The following ADGRF3 variants were observed in gnomAD, a reference collection of about 807,000 sequenced individuals.
ADGRF3 encodes G protein-coupled receptor 113.
In ADGRF3, 85 loss-of-function variants were observed where a neutral mutation model predicts 93.2. That is an observed-to-expected ratio of 0.91 (90% CI 0.77 to 1.09). The LOEUF (loss-of-function observed/expected upper bound fraction) is 1.09. Among genes scored for constraint, ADGRF3 ranks in the 50% least tolerant of loss-of-function variants. The probability of loss-of-function intolerance (pLI) is 0.00; values close to 1 mark genes in which losing one functional copy is unlikely to be tolerated. For synonymous variants in ADGRF3, 534 were observed against 532.5 expected, an observed-to-expected ratio of 1.00 and a Z score of -0.04; for missense variants, 1,125 against 1,246.2, an observed-to-expected ratio of 0.90 and a Z score of 1.46.
chr2:26,322,774 A>G (rs776674093), intron 1 of ADGRF3, among the ~76,000 whole-genome samples: 1 of 152,212 alleles, frequency 6.6e-6, no homozygotes, highest in Non-Finnish European at 1.5e-5. Context: ...TAGATTTGGT[A>G]TATTTTTCTA....
At position 26,310,109 on chromosome 2, in the gene ADGRF3, C is replaced by T. The variant is rs200784902; in HGVS notation, c.2875-4G>A. The T allele has an allele frequency of 5.3e-5, 85 of 1,613,892 alleles. 1 individual carries two copies. The highest frequency in any genetic ancestry group is 3.3e-4 in the South Asian group (30 of 91,082). ...GTTTGCGCAAAGCTTCTTGTATCTG[C>T]GGGAGAGGTAAATGCTCTGCTTATG... is the stretch of plus-strand genomic sequence containing the variant. On this transcript the variant is annotated splice_region_variant and splice_polypyrimidine_tract_variant and intron_variant, in intron 11 of 13. Coordinates refer to ENST00000651242, the MANE Select transcript of ADGRF3 (RefSeq NM_001321971.2).
chr2:26,323,500 T>G (rs1162199554), intron 1 of ADGRF3, among the ~76,000 whole-genome samples: 1 of 152,118 alleles, frequency 6.6e-6, no homozygotes, highest in East Asian at 1.9e-4. Context: ...CAGGATCCTG[T>G]TATGTTGTTC....
chr2:26,329,891 C>T (rs938926618), intron 1 of ADGRF3, among the ~76,000 whole-genome samples: 2 of 152,040 alleles, frequency 1.3e-5, no homozygotes, highest in African/African-American at 4.8e-5. Context: ...TAGATAATTC[C>T]AACATCTTTG....
chr2:26,316,330 A>G lies in ADGRF3; in HGVS notation c.444T>C (p.Cys148=). 2.6e-6 allele frequency: 4 copies of G among 1,552,002 alleles called. No homozygotes were observed. The highest frequency in any genetic ancestry group is 3.5e-6 in the Non-Finnish European group (4 of 1,147,030). ...PCQSLHNHQP[C]GCLVFSHPEP... ...CGGGATGGCTGAAGACAAGGCAGCC[A>G]CAAGGCTGGTGGTTGTGGAGGCTTT... is the stretch of plus-strand genomic sequence containing the variant. Residue 148 remains cysteine, a synonymous_variant, in exon 4 of 14, where the codon TGT becomes TGC. Coordinates refer to ENST00000651242, the MANE Select transcript of ADGRF3 (RefSeq NM_001321971.2).
chr2:26,337,071 G>A lies in ADGRF3; in HGVS notation c.114+9050C>T, dbSNP rs1008217342. The stretch of plus-strand genomic sequence containing the variant: ...AGTGGTTTGCAAGTCTTTTCATGAA[G>A]CCTACTTACTGTATTTTTAGCGACA... On this transcript the variant is annotated intron_variant, in intron 1 of 13. Coordinates refer to ENST00000651242, the MANE Select transcript of ADGRF3 (RefSeq NM_001321971.2). Among the ~76,000 whole-genome samples the A allele has an allele frequency of 3.3e-5, 5 of 152,218 alleles. No homozygotes were observed. The East Asian group carries it at 7.7e-4, about 23-fold the overall frequency.
chr2:26,336,726 A>ATT (rs1676069620), intron 1 of ADGRF3, among the ~76,000 whole-genome samples: 21 of 133,358 alleles, frequency 1.6e-4, no homozygotes, highest in South Asian at 5.7e-4. Flanking sequence ...ACTCCATAAA[A>ATT]AAAAAAAAAA....
intron 1 of ADGRF3, among the ~76,000 whole-genome samples, chr2:26,334,732 A>G (rs1003558571): frequency 6.6e-6 from 1 of 152,218 alleles, no homozygotes; most frequent in African/African-American, 2.4e-5. Flanking sequence ...TTCATATTAT[A>G]AAACCATAGA....
chr2:26,316,500 TG>T, intron 3 of ADGRF3, 52 bp from the exon 4 acceptor site: 1 of 1,524,650 alleles, frequency 6.6e-7, no homozygotes, highest in Non-Finnish European at 8.8e-7. Flanking sequence ...AGAAGCTAGG[TG>T]GGCAGGGCAG....
At chr2:26,325,492 G>C (rs1469020334) in intron 1 of ADGRF3, among the ~76,000 whole-genome samples, 1 of 152,196 alleles carries the variant, frequency 6.6e-6, no homozygotes, top group Non-Finnish European at 1.5e-5. Flanking sequence ...TGCATTTGCT[G>C]TCTGGGACTG....
chr2:26,329,006 T>A (rs1307893895), intron 1 of ADGRF3, among the ~76,000 whole-genome samples: 2 of 152,248 alleles, frequency 1.3e-5, no homozygotes, highest in Non-Finnish European at 2.9e-5. Context: ...TGTGATTAAA[T>A]TATGAATATT....
rs1676765692 is a variant in ADGRF3, at chr2:26,346,485, G to A, written c.-251C>T. Reference sequence around the variant, plus strand: ...GAGCATCCTAAGCCCGCCGCCCGTAGTCGGCACCCCCCGGGAGATTTCCTT... The same window carrying A: ...GAGCATCCTAAGCCCGCCGCCCGTAATCGGCACCCCCCGGGAGATTTCCTT... On this transcript the variant is annotated 5_prime_UTR_variant, in exon 1 of 14. Transcript: ENST00000651242. The A allele has an allele frequency of 1.8e-6, 1 of 561,564 alleles. No homozygotes were observed. Among genetic ancestry groups the A allele is most frequent in the South Asian group, 2.7e-5 (1 of 37,668 alleles). 34.8% of individuals were successfully genotyped at this position (561,564 alleles called of 1,614,324 possible).
chr2:26,331,148 T>C (rs1675743912), intron 1 of ADGRF3, among the ~76,000 whole-genome samples: 1 of 152,250 alleles, frequency 6.6e-6, no homozygotes, highest in African/African-American at 2.4e-5. Flanking sequence ...TTTAGCTTGA[T>C]TGCATTCTTG....
rs147920825 is a variant in ADGRF3, at chr2:26,313,430, C to T, written c.1216G>A (p.Val406Ile). 43 of 1,607,566 alleles carry T rather than the reference C, an allele frequency of 2.7e-5. No individual in the cohort carries two copies. Among genetic ancestry groups the T allele is most frequent in the Middle Eastern group, 1.6e-4 (1 of 6,066 alleles). The change falls in exon 8 of 14, where the codon GTC becomes ATC. Residue 406 changes from valine to isoleucine, a missense_variant. By Grantham distance (29) the Val-to-Ile change is conservative. Transcript: ENST00000651242. ...LCGADGVWGP[V>I]HSSCTDARLL... ...CTCGCATCTGTGCAGCTGCTGTGGA[C>T]CGGCCCCCAGACTCCGTCAGCCCCA...
intron 1 of ADGRF3, among the ~76,000 whole-genome samples, chr2:26,337,469 C>G (rs183254135): frequency 1.0e-3 from 157 of 152,306 alleles, no homozygotes; most frequent in Middle Eastern, 0.01. Flanking sequence ...TCTAGCAAGA[C>G]CAGCAAAACT....
intron 1 of ADGRF3, chr2:26,317,896 G>T: frequency 1.2e-6 from 1 of 830,268 alleles, no homozygotes. Flanking sequence ...GCTGGACATT[G>T]CTGGCTGGGG....
intron 1 of ADGRF3, among the ~76,000 whole-genome samples, chr2:26,322,425 T>C (rs918535783): frequency 2.6e-5 from 4 of 152,192 alleles, no homozygotes; most frequent in Non-Finnish European, 5.9e-5. Context: ...TTTGAGTTCA[T>C]GACTAATAGT....
At chr2:26,314,910 C>A in intron 5 of ADGRF3, 4 of 415,922 alleles carry the variant, frequency 9.6e-6, no homozygotes, top group Non-Finnish European at 1.3e-5. Flanking sequence ...ATTTTAGCAT[C>A]TTGAAAAACA....
At chr2:26,343,068 C>T (rs980095130) in intron 1 of ADGRF3, among the ~76,000 whole-genome samples, 4 of 152,102 alleles carry the variant, frequency 2.6e-5, no homozygotes, top group South Asian at 2.1e-4. Context: ...TGACTGGCAG[C>T]GCGGTAGGTT....
intron 1 of ADGRF3, among the ~76,000 whole-genome samples, chr2:26,327,717 C>T (rs201513681): frequency 1.2e-5 from 1 of 86,672 alleles, no homozygotes; most frequent in Non-Finnish European, 2.2e-5. Flanking sequence ...GGGGTGGGGG[C>T]GGGAGAGAGA....
Sources: gnomAD v4.1 joint callset for allele counts (sites outside exome capture counted in the v4.1 genomes callset) on GRCh38, gnomAD v4.1.1 for gene constraint, MANE v1.5 for transcripts, NCBI Gene and HGNC (gene_info 2026-07-23, HGNC 2026-07-21) for gene names.